STXBP4: variants seen among roughly 807,000 people sequenced by gnomAD.
The protein encoded by STXBP4 is syntaxin-binding protein 4.
In STXBP4, 55 loss-of-function variants were observed where a neutral mutation model predicts 76.1. That is an observed-to-expected ratio of 0.72 (90% CI 0.58 to 0.91). The LOEUF (loss-of-function observed/expected upper bound fraction) is 0.91, where lower values mean the gene tolerates loss of function less well. STXBP4 is among the 40% of genes least tolerant of loss of function. The probability of loss-of-function intolerance (pLI) is 0.00; values close to 1 mark genes in which losing one functional copy is unlikely to be tolerated. For synonymous variants in STXBP4, 201 were observed against 220.2 expected (o/e 0.91, Z 0.77); for missense variants, 618 against 636.9 (o/e 0.97, Z 0.32).
intron 1 of STXBP4, among the ~76,000 whole-genome samples, chr17:54,984,732 A>G (rs923162287): frequency 2.0e-5 from 3 of 152,138 alleles, no homozygotes; most frequent in African/African-American, 7.2e-5. Context: ...ATGTGCTGAT[A>G]TATTGATTCT....
At chr17:55,148,632 A>G (rs970381343) in intron 17 of STXBP4, among the ~76,000 whole-genome samples, 7 of 151,410 alleles carry the variant, frequency 4.6e-5, no homozygotes, top group Non-Finnish European at 1.0e-4. Flanking sequence ...TCCACCTCCC[A>G]GGTTCAAGTG....
In STXBP4 at chr17:54,980,935, G is replaced by GTT. The variant is rs56044821; in HGVS notation, c.-156-4670_-156-4669dup. Among the ~76,000 whole-genome samples, 14 of 140,540 alleles carry GTT rather than the reference G, an allele frequency of 1.0e-4. 1 individual carries two copies. Among genetic ancestry groups the GTT allele is most frequent in the East Asian group, 4.2e-4 (2 of 4,738 alleles). 92.2% of individuals were successfully genotyped at this position (140,540 alleles called of 152,430 possible). A position where few individuals can be genotyped will look rare whatever the true frequency, so the allele number is the denominator to read the frequency against. On this transcript the variant is annotated intron_variant, in intron 1 of 17. Coordinates refer to ENST00000376352, the MANE Select transcript of STXBP4 (RefSeq NM_178509.6). ...TTCTTAAAACATGAGATTTTTTTGC[G>GTT]TTTTTTTTTTGTTGTTGTTGATGAT... is the stretch of plus-strand genomic sequence containing the variant.
chr17:55,073,180 T>C (rs989050388), intron 13 of STXBP4, 104 bp downstream of exon 13: 1 of 1,049,008 alleles, frequency 9.5e-7, no homozygotes, highest in South Asian at 1.4e-5. Flanking sequence ...TAGGTCAGTG[T>C]TTGTCTTCTA....
chr17:55,075,053 A>G (rs2079164074), intron 13 of STXBP4, among the ~76,000 whole-genome samples: 1 of 151,764 alleles, frequency 6.6e-6, no homozygotes, highest in Non-Finnish European at 1.5e-5. Flanking sequence ...TTATTTATTT[A>G]CCTTTTGGAG....
At chr17:54,971,723 G>GC (rs1285176786) in intron 1 of STXBP4, among the ~76,000 whole-genome samples, 1 of 152,110 alleles carries the variant, frequency 6.6e-6, no homozygotes, top group Non-Finnish European at 1.5e-5. Context: ...TAGTTGTCAT[G>GC]CCTCTTCAGT....
chr17:55,148,009 T>C (rs1271880800), intron 17 of STXBP4, among the ~76,000 whole-genome samples: 1 of 152,118 alleles, frequency 6.6e-6, no homozygotes, highest in Non-Finnish European at 1.5e-5. Context: ...GATGCAACTA[T>C]TAGGTTGGAA....
chr17:55,001,251 A>G (rs1347018742), intron 7 of STXBP4, among the ~76,000 whole-genome samples: 4 of 152,206 alleles, frequency 2.6e-5, no homozygotes, highest in Non-Finnish European at 5.9e-5. Flanking sequence ...CGGAAAACAC[A>G]TTATAGAAGG....
intron 16 of STXBP4, among the ~76,000 whole-genome samples, chr17:55,120,960 T>C (rs1486872504): frequency 6.6e-6 from 1 of 152,204 alleles, no homozygotes; most frequent in African/African-American, 2.4e-5. Context: ...GGAATTTTTT[T>C]CTTTAGTTTT....
chr17:55,018,125 C>T (rs1038368978), intron 8 of STXBP4, among the ~76,000 whole-genome samples: 8 of 151,992 alleles, frequency 5.3e-5, no homozygotes, highest in African/African-American at 1.9e-4. Flanking sequence ...AATCTTGAGC[C>T]ATGTGGTGAG....
At chr17:55,021,579 C>T (rs754416390) in intron 8 of STXBP4, among the ~76,000 whole-genome samples, 1 of 152,050 alleles carries the variant, frequency 6.6e-6, no homozygotes, top group Non-Finnish European at 1.5e-5. Flanking sequence ...TTTATGCTCA[C>T]TTACCTCTGC....
At chr17:55,065,065 C>G (rs896926651) in intron 12 of STXBP4, among the ~76,000 whole-genome samples, 1 of 152,140 alleles carries the variant, frequency 6.6e-6, no homozygotes, top group Non-Finnish European at 1.5e-5. Flanking sequence ...TAAATTCTTA[C>G]ATAATATAGG....
At chr17:55,018,281 G>T (rs1047531388) in intron 8 of STXBP4, among the ~76,000 whole-genome samples, 3 of 152,194 alleles carry the variant, frequency 2.0e-5, no homozygotes, top group African/African-American at 7.2e-5. Context: ...ACGGCAATGG[G>T]CAACTTGCTG....
intron 8 of STXBP4, among the ~76,000 whole-genome samples, chr17:55,023,531 C>T (rs1045799464): frequency 6.6e-6 from 1 of 151,976 alleles, no homozygotes; most frequent in Admixed American, 6.6e-5. Context: ...CTCAGCCACC[C>T]GTGTGGACAA....
Position 55,034,276 on chromosome 17 carries a change from A to G in STXBP4, c.855+17A>G, listed in dbSNP as rs1352930262. The G allele has an allele frequency of 6.3e-7, 1 of 1,577,998 alleles. No individual in the cohort carries two copies. The highest frequency in any genetic ancestry group is 1.2e-5 in the South Asian group (1 of 85,688). On this transcript the variant is annotated intron_variant, in intron 10 of 17. Transcript: ENST00000376352. ...GATTCACAGGTAGAGTATGCCCTATAGAATTGCTTTGACATGTATAAGTCA... is the reference window on the plus strand; with the variant it reads ...GATTCACAGGTAGAGTATGCCCTATGGAATTGCTTTGACATGTATAAGTCA...
rs544047887 is a variant in STXBP4 at position 55,029,977 on chromosome 17, A to G, written c.667-1191A>G. 9.5e-4 allele frequency among the ~76,000 whole-genome samples: 144 copies of G among 152,306 alleles called. 1 individual carries two copies. Among genetic ancestry groups the G allele is most frequent in the African/African-American group, 3.4e-3 (142 of 41,582 alleles). On this transcript the variant is annotated intron_variant, in intron 8 of 17. Transcript: ENST00000376352. Reference sequence around the variant, plus strand: ...AGAAATATGTAAGAGATAATTACCAATACTAAACTTTGCCTACATTTTAGT... The same window carrying G: ...AGAAATATGTAAGAGATAATTACCAGTACTAAACTTTGCCTACATTTTAGT...
intron 7 of STXBP4, among the ~76,000 whole-genome samples, chr17:55,004,966 T>A (rs1304499509): frequency 6.6e-6 from 1 of 152,178 alleles, no homozygotes; most frequent in Non-Finnish European, 1.5e-5. Flanking sequence ...AAAGTTACTC[T>A]GAATTGACAA....
In STXBP4 at chr17:55,000,864, T is replaced by C. The variant is rs1174044874; in HGVS notation, c.555T>C (p.Thr185=). The C allele has an allele frequency of 1.2e-6, 2 of 1,607,784 alleles. No homozygotes were observed. The highest frequency in any genetic ancestry group is 2.2e-5 in the East Asian group (1 of 44,708). Residue 185 remains threonine, a synonymous_variant, in exon 7 of 18, where the codon ACT becomes ACC. Transcript: ENST00000376352. ...TTCCAATTACTTCAGAAAACAGTAC[T>C]GTGGGTTTGTCTAATACAGGTAAAT... is the stretch of plus-strand genomic sequence containing the variant. ...VQIPITSENS[T]VGLSNTDVAS...
chr17:55,047,283 T>C (rs2078803694), intron 12 of STXBP4, 129 bp downstream of exon 12: 1 of 515,704 alleles, frequency 1.9e-6, no homozygotes, highest in African/African-American at 2.0e-5. Context: ...CTGATACATA[T>C]TACATAATAC....
chr17:54,990,517 T>C (rs548384460), intron 3 of STXBP4, among the ~76,000 whole-genome samples: 16 of 152,246 alleles, frequency 1.1e-4, no homozygotes, highest in Middle Eastern at 3.4e-3. Flanking sequence ...GAAAACAAGC[T>C]CAGGGCTCCC....
Sources: allele counts gnomAD v4.1 joint callset (sites outside exome capture counted in the v4.1 genomes callset), GRCh38; gene constraint gnomAD v4.1.1; transcripts MANE v1.5; gene names NCBI Gene and HGNC (gene_info 2026-07-23, HGNC 2026-07-21).